KLF10: variants seen among roughly 807,000 people sequenced by gnomAD.
The protein encoded by KLF10 is Krueppel-like factor 10.
KLF10 carries 17 observed loss-of-function variants against 31.6 expected under a neutral mutation model. The ratio of observed to expected loss-of-function variants is 0.54; its 90% CI spans 0.37 to 0.81. The LOEUF is 0.81. KLF10 is among the 30% of genes least tolerant of loss of function. The pLI is 0.00. For missense variants in KLF10, 525 were observed against 598.1 expected, an observed-to-expected ratio of 0.88 and a Z score of 1.27; for synonymous variants, 239 against 215.1, an observed-to-expected ratio of 1.11 and a Z score of -0.97.
chr8:102,654,905 TG>T (rs1386831521), intron 1 of KLF10, among the ~76,000 whole-genome samples: 1 of 152,052 alleles, frequency 6.6e-6, no homozygotes, highest in Non-Finnish European at 1.5e-5. Context: ...TCCAGACGTC[TG>T]GGGGAGCAAC....
intron 1 of KLF10, among the ~76,000 whole-genome samples, 155 bp downstream of exon 1, chr8:102,655,411 T>C (rs1183349492): frequency 6.6e-6 from 1 of 151,946 alleles, no homozygotes; most frequent in Non-Finnish European, 1.5e-5. Context: ...CTAATGCCCA[T>C]AGTCTGCAGG....
intron 3 of KLF10, 136 bp from the exon 4 acceptor site, chr8:102,650,527 G>T: frequency 1.1e-6 from 1 of 908,690 alleles, no homozygotes; most frequent in Non-Finnish European, 1.6e-6. Context: ...ATGAATATGA[G>T]ATATGTATTG....
chr8:102,650,302 C>T lies in KLF10; in HGVS notation c.1273G>A (p.Gly425Ser). The T allele has an allele frequency of 1.2e-6, 2 of 1,614,172 alleles. No individual in the cohort carries two copies. The highest frequency in any genetic ancestry group is 1.7e-6 in the Non-Finnish European group (2 of 1,180,032). The change falls in exon 4 of 4, where the codon GGT becomes AGT. Residue 425 changes from glycine (G) to serine (S), a missense_variant. Physicochemically the swap from Gly to Ser is moderately conservative, Grantham distance 56. Around this residue, in one of 3 missense-constraint regions of KLF10, gnomAD observed 49 missense variants for 105.0 expected, o/e 0.47. Transcript: ENST00000285407. ...ATGGGGCACGCAAATTTCTTCTCAC[C>T]CGTGTGGGTTCGCCTGTGTCTGGAC... ...ELSRHRRTHT[G>S]EKKFACPMCD... is the part of the protein sequence containing the mutation.
intron 1 of KLF10, 117 bp downstream of exon 1, chr8:102,655,449 C>G (rs1827341815): frequency 1.5e-6 from 2 of 1,337,208 alleles, no homozygotes; most frequent in Non-Finnish European, 2.1e-6. Context: ...CCCCACGACT[C>G]CGCTGCAGCC....
intron 1 of KLF10, chr8:102,653,913 G>C (rs1827287759): frequency 3.0e-6 from 3 of 985,928 alleles, no homozygotes; most frequent in Non-Finnish European, 1.2e-6. Flanking sequence ...GCGGACGGCG[G>C]GGGAGATCCT....
chr8:102,654,624 C>G (rs1019339858), intron 1 of KLF10, among the ~76,000 whole-genome samples: 1 of 152,076 alleles, frequency 6.6e-6, no homozygotes, highest in Non-Finnish European at 1.5e-5. Flanking sequence ...CACCCCGTCT[C>G]TCCCTGTAGA....
Position 102,648,916 on chromosome 8 carries a change from A to C in KLF10, c.*1216T>G, listed in dbSNP as rs1827140168. ...AAGGGTCCAAGTTTTGATGTCAGAA[A>C]TCTACACCCAATATACAAAAACAAT... is the stretch of plus-strand genomic sequence containing the variant. On this transcript the variant is annotated 3_prime_UTR_variant, in exon 4 of 4. Coordinates refer to ENST00000285407, the MANE Select transcript of KLF10 (RefSeq NM_005655.4). 1 of 152,668 alleles carries C rather than the reference A, an allele frequency of 6.6e-6. No homozygotes were observed. Among genetic ancestry groups the C allele is most frequent in the African/African-American group, 2.4e-5 (1 of 41,466 alleles). The allele number at this position is 152,668 out of a possible 1,614,324, so 9.5% of individuals were successfully genotyped here. A position where few individuals can be genotyped will look rare whatever the true frequency, so the allele number is the denominator to read the frequency against.
intron 3 of KLF10, 21 bp downstream of exon 3, chr8:102,651,128 G>A: frequency 6.7e-7 from 1 of 1,491,560 alleles, no homozygotes; most frequent in African/African-American, 1.4e-5. Flanking sequence ...AAACACTAAA[G>A]ATATAAGAAG....
At chr8:102,652,444 CA>C in intron 1 of KLF10, 47 bp from the exon 2 acceptor site, 1 of 1,056,574 alleles carries the variant, frequency 9.5e-7, no homozygotes, top group Non-Finnish European at 1.3e-6. Flanking sequence ...TTTTGTCATC[CA>C]AATGACACAC....
At chr8:102,655,343 C>T (rs980684928) in intron 1 of KLF10, among the ~76,000 whole-genome samples, 7 of 152,146 alleles carry the variant, frequency 4.6e-5, no homozygotes, top group Non-Finnish European at 8.8e-5. Context: ...AGACCCCTGT[C>T]CCTGTCTGAA....
chr8:102,651,274 G>C lies in KLF10; in HGVS notation c.1058C>G (p.Ser353Ter). The change falls in exon 3 of 4, where the codon TCA becomes TGA. Residue 353 changes from serine to a stop codon, truncating the protein, a stop_gained. Coordinates refer to ENST00000285407, the MANE Select transcript of KLF10 (RefSeq NM_005655.4). LOFTEE classifies it high-confidence loss of function. ...AATCTGAGGAGTGACTTTTGCTGCT[G>C]AAGGGGAAAACCCAGGAGCAGGGGC... ...PIAPAPGFSP[S>*]AAKVTPQIDS... 6.2e-7 allele frequency: 1 copy of C among 1,607,932 alleles called. No individual in the cohort carries two copies. The highest frequency in any genetic ancestry group is 8.5e-7 in the Non-Finnish European group (1 of 1,177,014).
rs1021142612 is a variant in KLF10 at position 102,652,024 on chromosome 8, G to A, written c.308C>T (p.Pro103Leu). The A allele has an allele frequency of 6.2e-7, 1 of 1,611,718 alleles. No individual in the cohort carries two copies. Among genetic ancestry groups the A allele is most frequent in the Admixed American group, 1.7e-5 (1 of 59,498 alleles). ...TGCCATCAGATTTGACACTTGAGAGGGTTCAAAGTCAGAAGGACTGTAAGG... is the reference window on the plus strand; with the variant it reads ...TGCCATCAGATTTGACACTTGAGAGAGTTCAAAGTCAGAAGGACTGTAAGG... ...TPPYSPSDFE[P>L]SQVSNLMAPA... Residue 103 changes from proline (P) to leucine (L), a missense_variant, in exon 3 of 4, where the codon CCC becomes CTC. Transcript: ENST00000285407.
chr8:102,652,517 A>G, intron 1 of KLF10, 120 bp from the exon 2 acceptor site: 1 of 589,304 alleles, frequency 1.7e-6, no homozygotes, highest in Non-Finnish European at 2.9e-6. Context: ...TCCAAATTAA[A>G]ATCAGAAATA....
At chr8:102,650,439 A>G (rs780534285) in intron 3 of KLF10, 48 bp from the exon 4 acceptor site, 89 of 1,564,482 alleles carry the variant, frequency 5.7e-5, no homozygotes, top group Non-Finnish European at 7.4e-5. Flanking sequence ...ATTGCCGTAA[A>G]TTATATGTTC....
intron 1 of KLF10, chr8:102,653,414 T>A: frequency 7.0e-7 from 1 of 1,434,274 alleles, no homozygotes; most frequent in Non-Finnish European, 9.4e-7. Context: ...TAGAACTACC[T>A]AATGTTTTAT....
chr8:102,654,046 C>T (rs1166579893), intron 1 of KLF10: 3 of 947,072 alleles, frequency 3.2e-6, no homozygotes, highest in Non-Finnish European at 3.8e-6. Context: ...GGCCGGCCGG[C>T]TCGGCGGCCC....
rs1476840529 is a variant in KLF10, at chr8:102,649,848, GCTAC to G, written c.*280_*283del. Reference sequence around the variant, plus strand: ...ATATGCACACAGATTCAAAATCTGTGCTACCTGTGTTGACCTCATCTGAAACCTT... The same window carrying G: ...ATATGCACACAGATTCAAAATCTGTGCTGTGTTGACCTCATCTGAAACCTT... On this transcript the variant is annotated 3_prime_UTR_variant, in exon 4 of 4. Transcript: ENST00000285407. 2.3e-6 allele frequency: 1 copy of G among 444,004 alleles called. No individual in the cohort carries two copies. The highest frequency in any genetic ancestry group is 2.0e-5 in the African/African-American group (1 of 51,164). The allele number at this position is 444,004 out of a possible 1,614,324, so 27.5% of individuals were successfully genotyped here. A position where few individuals can be genotyped will look rare whatever the true frequency, so the allele number is the denominator to read the frequency against.
Position 102,650,218 on chromosome 8 carries a change from A to G in KLF10, c.1357T>C (p.Ser453Pro). Residue 453 changes from serine (S) to proline (P), a missense_variant, in exon 4 of 4, where the codon TCA (serine) becomes CCA (proline). Around this residue, in one of 3 missense-constraint regions of KLF10, gnomAD observed 42 missense variants for 42.4 expected, o/e 0.99. Transcript: ENST00000285407. ...HLTKHARRHL[S>P]AKKLPNWQME... ...TGCCAGTTTGGTAGCTTCTTGGCTGATAGATGGCGCCGGGCATGCTTGGTC... is the reference window on the plus strand; with the variant it reads ...TGCCAGTTTGGTAGCTTCTTGGCTGGTAGATGGCGCCGGGCATGCTTGGTC... 6 of 1,614,176 alleles carry G rather than the reference A, an allele frequency of 3.7e-6. No individual in the cohort carries two copies. The highest frequency in any genetic ancestry group is 5.1e-6 in the Non-Finnish European group (6 of 1,180,030).
Position 102,652,200 on chromosome 8 carries a change from A to T in KLF10, c.234T>A (p.Leu78=). Residue 78 remains leucine (L), a synonymous_variant, in exon 2 of 4, where the codon CTT becomes CTA. Transcript: ENST00000285407. ...TTGTATGAAAATCAGGTGTTCCCGG[A>T]AGCAGATTCTCTTCCTCTGACAAAT... The part of the protein sequence containing the change: ...VSDLSEEENL[L]PGTPDFHTIP... 1.9e-6 allele frequency: 3 copies of T among 1,605,258 alleles called. No individual in the cohort carries two copies. The highest frequency in any genetic ancestry group is 2.6e-6 in the Non-Finnish European group (3 of 1,174,250).
Sources: gnomAD v4.1 joint callset for allele counts (sites outside exome capture counted in the v4.1 genomes callset) on GRCh38, gnomAD v4.1.1 for gene constraint, gnomAD v4.1.1 regional missense constraint, MANE v1.5 for transcripts, NCBI Gene and HGNC (gene_info 2026-07-23, HGNC 2026-07-21) for gene names.